The following WDR47 variants were observed in gnomAD, a reference collection of about 807,000 sequenced individuals.
The protein encoded by WDR47 is WD repeat-containing protein 47.
A neutral mutation model predicts 97.2 loss-of-function variants in WDR47; 32 were observed. That is an observed-to-expected ratio of 0.33 (90% CI 0.25 to 0.44). The LOEUF (loss-of-function observed/expected upper bound fraction) is 0.44, where lower values mean the gene tolerates loss of function less well. WDR47 is among the 20% of genes least tolerant of loss of function. The probability of loss-of-function intolerance (pLI) is 1.00; values close to 1 mark genes in which losing one functional copy is unlikely to be tolerated. For synonymous variants in WDR47, 375 were observed against 373.5 expected (o/e 1.00, Z -0.05); for missense variants, 782 against 1,102.3 (o/e 0.71, Z 4.11).
intron 13 of WDR47, among the ~76,000 whole-genome samples, chr1:108,978,028 T>C (rs1236821254): frequency 6.6e-6 from 1 of 151,752 alleles, no homozygotes; most frequent in Non-Finnish European, 1.5e-5. Flanking sequence ...TGGCTTGTTA[T>C]TGTAGCACTT....
intron 8 of WDR47, 26 bp from the exon 9 acceptor site, chr1:108,991,355 G>C: frequency 6.3e-7 from 1 of 1,579,080 alleles, no homozygotes; most frequent in Non-Finnish European, 8.7e-7. Flanking sequence ...TTCAAGTAAA[G>C]TTTACTCCAT....
chr1:109,039,988 A>G (rs937927549), intron 1 of WDR47, among the ~76,000 whole-genome samples: 12 of 148,988 alleles, frequency 8.1e-5, no homozygotes, highest in Non-Finnish European at 1.2e-4. Context: ...GTGAGCCGAG[A>G]TCATGCCACT....
chr1:109,028,865 G>C (rs757931899), intron 1 of WDR47, among the ~76,000 whole-genome samples: 7 of 151,720 alleles, frequency 4.6e-5, no homozygotes, highest in Non-Finnish European at 8.8e-5. Context: ...ACAGTTCAAC[G>C]GTAATAAATA....
intron 2 of WDR47, among the ~76,000 whole-genome samples, chr1:109,022,523 A>AG (rs1661916742): frequency 6.6e-6 from 1 of 152,112 alleles, no homozygotes; most frequent in Non-Finnish European, 1.5e-5. Context: ...TTTTTAACAG[A>AG]CCTCTGGGTC....
intron 5 of WDR47, among the ~76,000 whole-genome samples, chr1:109,005,608 C>T (rs1571202403): frequency 6.6e-6 from 1 of 152,178 alleles, no homozygotes; most frequent in Non-Finnish European, 1.5e-5. Context: ...GGCACAGTGG[C>T]TTACGCCTGT....
chr1:109,026,660 A>G (rs1662238138), intron 1 of WDR47, among the ~76,000 whole-genome samples: 1 of 152,168 alleles, frequency 6.6e-6, no homozygotes, highest in East Asian at 1.9e-4. Context: ...TCCATGTACC[A>G]ACCACACAAA....
rs372929187 is a variant in WDR47 at position 109,028,362 on chromosome 1, G to GTTTTTTTTTTT, written c.-9-4852_-9-4842dup. 7.8e-3 allele frequency among the ~76,000 whole-genome samples: 625 copies of GTTTTTTTTTTT among 79,774 alleles called. 11 individuals are homozygous for GTTTTTTTTTTT. Among genetic ancestry groups the GTTTTTTTTTTT allele is most frequent in the East Asian group, 0.013 (29 of 2,260 alleles). 52.3% of individuals were successfully genotyped at this position (79,774 alleles called of 152,430 possible). On this transcript the variant is annotated intron_variant, in intron 1 of 14. Coordinates refer to ENST00000369962, the MANE Select transcript of WDR47 (RefSeq NM_001142551.2). ...ACTGGGCCCAGCTAATTTTTGTTGG[G>GTTTTTTTTTTT]TTTTTTTTTTTTTTTTTTTTTTGTA...
intron 2 of WDR47, among the ~76,000 whole-genome samples, chr1:109,023,094 GCA>G (rs1371082750): frequency 2.6e-5 from 4 of 151,626 alleles, no homozygotes; most frequent in African/African-American, 9.6e-5. Context: ...TCCCAGCTAC[GCA>G]GGAGGCTGAG....
chr1:109,008,445 T>G (rs925845265), intron 5 of WDR47, among the ~76,000 whole-genome samples: 1 of 152,038 alleles, frequency 6.6e-6, no homozygotes, highest in Admixed American at 6.6e-5. Context: ...GTATTTTTAG[T>G]AGAGATGGGG....
chr1:109,026,857 T>C (rs1226661810), intron 1 of WDR47, among the ~76,000 whole-genome samples: 1 of 152,224 alleles, frequency 6.6e-6, no homozygotes. Flanking sequence ...TGCAGTCATT[T>C]TTGGTTAATA....
rs1657740901 is a variant in WDR47 at position 108,974,609 on chromosome 1, A to T, written c.2544T>A (p.Val848=). ...YHPHSSDVRS[V]RFSPGAHYLL... ...AGTAGTGAGCTCCAGGGGAGAATCG[A>T]ACAGAGCGAACATCACTGGAATGAG... The change falls in exon 14 of 15, where the codon GTT becomes GTA. Residue 848 remains valine (V), a synonymous_variant. Coordinates refer to ENST00000369962, the MANE Select transcript of WDR47 (RefSeq NM_001142551.2). 1 of 1,614,162 alleles carries T rather than the reference A, an allele frequency of 6.2e-7. No homozygotes were observed. Among genetic ancestry groups the T allele is most frequent in the Non-Finnish European group, 8.5e-7 (1 of 1,180,036 alleles).
At chr1:109,004,967 T>G (rs1214569234) in intron 5 of WDR47, among the ~76,000 whole-genome samples, 2 of 152,094 alleles carry the variant, frequency 1.3e-5, no homozygotes, top group African/African-American at 2.4e-5. Flanking sequence ...ATTTTTTGTA[T>G]TTTTAGTAGA....
chr1:109,030,457 A>G (rs1662543456), intron 1 of WDR47: 1 of 316,364 alleles, frequency 3.2e-6, no homozygotes, highest in African/African-American at 2.2e-5. Context: ...ATGAAGGAAA[A>G]AAAACACAAC....
At chr1:108,989,436 T>C (rs766831752) in intron 9 of WDR47, among the ~76,000 whole-genome samples, 2 of 152,272 alleles carry the variant, frequency 1.3e-5, no homozygotes, top group Non-Finnish European at 2.9e-5. Context: ...CCTGATGTGT[T>C]ACGCTATGTA....
chr1:108,979,377 G>T (rs1032741277), intron 13 of WDR47, among the ~76,000 whole-genome samples: 1 of 152,130 alleles, frequency 6.6e-6, no homozygotes, highest in African/African-American at 2.4e-5. Flanking sequence ...AAGATGCAGA[G>T]GGGCTGGGCA....
chr1:108,971,379 G>C lies in WDR47; in HGVS notation c.*51C>G. 1 of 1,606,482 alleles carries C rather than the reference G, an allele frequency of 6.2e-7. No individual in the cohort carries two copies. On this transcript the variant is annotated 3_prime_UTR_variant, in exon 15 of 15. Transcript: ENST00000369962. The stretch of plus-strand genomic sequence containing the variant: ...TCAGATTTGTAATTTTCACAACTCA[G>C]TAGTCTTAAGTCTCTGTGCTTTTGC...
rs1344055791 is a variant in WDR47 at position 109,017,580 on chromosome 1, T to C, written c.180A>G (p.Gln60=). 22 of 1,612,356 alleles carry C rather than the reference T, an allele frequency of 1.4e-5. No homozygotes were observed. Among genetic ancestry groups the C allele is most frequent in the Non-Finnish European group, 1.9e-5 (22 of 1,179,714 alleles). ...GAATGAACTGAAGAACTTCATCCCATTGACCATCAAGTATTAGCTGCCTAA... is the reference window on the plus strand; with the variant it reads ...GAATGAACTGAAGAACTTCATCCCACTGACCATCAAGTATTAGCTGCCTAA... ...LFLRQLILDG[Q]WDEVLQFIQP... Residue 60 remains glutamine (Q), a synonymous_variant, in exon 3 of 15, where the codon CAA becomes CAG. Coordinates refer to ENST00000369962, the MANE Select transcript of WDR47 (RefSeq NM_001142551.2).
intron 12 of WDR47, 22 bp downstream of exon 12, chr1:108,982,587 A>G: frequency 1.3e-6 from 2 of 1,563,012 alleles, no homozygotes; most frequent in Non-Finnish European, 1.7e-6. Context: ...GAAAAACAGC[A>G]CTTGAAACTG....
intron 6 of WDR47, among the ~76,000 whole-genome samples, chr1:109,004,104 A>T (rs1465976782): frequency 6.6e-6 from 1 of 152,026 alleles, no homozygotes; most frequent in African/African-American, 2.4e-5. Context: ...CTCTACTAAA[A>T]ATACAAAAAA....
Sources: gnomAD v4.1 joint callset for allele counts (sites outside exome capture counted in the v4.1 genomes callset) on GRCh38, gnomAD v4.1.1 for gene constraint, MANE v1.5 for transcripts, NCBI Gene and HGNC (gene_info 2026-07-23, HGNC 2026-07-21) for gene names.